Variants in PAK3 observed in about 807,000 individuals in gnomAD.
The protein encoded by PAK3 is serine/threonine-protein kinase PAK 3.
In PAK3, 4 loss-of-function variants were observed where a neutral mutation model predicts 41.0. That is an observed-to-expected ratio of 0.10 (90% CI 0.05 to 0.22). PAK3 has a LOEUF of 0.22. Among genes scored for constraint, PAK3 ranks in the 10% least tolerant of loss-of-function variants. The pLI is 1.00. For synonymous variants in PAK3, 146 were observed against 139.6 expected, an observed-to-expected ratio of 1.05 and a Z score of -0.32; for missense variants, 205 against 409.9, an observed-to-expected ratio of 0.50 and a Z score of 4.32.
intron 1 of PAK3, among the ~76,000 whole-genome samples, chrX:110,979,291 CTTTTCTTT>C (rs2091401732): frequency 5.0e-5 from 1 of 19,825 alleles, no homozygotes; most frequent in African/African-American, 8.2e-5. Context: ...TTCTCTATTA[CTTTTCTTT>C]TTTTTTTTTT....
chrX:111,138,625 T>C (rs189795421), intron 5 of PAK3, among the ~76,000 whole-genome samples: 1 of 110,938 alleles, frequency 9.0e-6, no homozygotes, highest in African/African-American at 3.3e-5. Flanking sequence ...GAAGTAAGAC[T>C]TTCCAGGCAT....
intron 1 of PAK3, among the ~76,000 whole-genome samples, chrX:110,972,050 G>A (rs2091218796): frequency 1.8e-5 from 2 of 110,865 alleles, no homozygotes; most frequent in South Asian, 3.9e-4. Context: ...ATGTAGGTAT[G>A]TATGTGTATA....
At chrX:111,110,602 A>G (rs780895287) in intron 4 of PAK3, among the ~76,000 whole-genome samples, 1 of 111,513 alleles carries the variant, frequency 9.0e-6, no homozygotes, top group South Asian at 3.9e-4. Context: ...TACCTTTCCA[A>G]ACATAGCTGA....
chrX:111,047,898 G>A (rs1465239924), intron 1 of PAK3, among the ~76,000 whole-genome samples: 1 of 111,685 alleles, frequency 9.0e-6, no homozygotes, highest in East Asian at 2.8e-4. Flanking sequence ...GTGGCAGCCT[G>A]CTGCTTTCAA....
intron 10 of PAK3, among the ~76,000 whole-genome samples, chrX:111,171,629 T>C (rs2094342397): frequency 8.9e-6 from 1 of 111,850 alleles, no homozygotes; most frequent in Non-Finnish European, 1.9e-5. Context: ...ATGTAGCTTA[T>C]AAACTTACTA....
At chrX:111,114,242 A>AT (rs1211658241) in intron 4 of PAK3, among the ~76,000 whole-genome samples, 1 of 112,145 alleles carries the variant, frequency 8.9e-6, no homozygotes, top group Non-Finnish European at 1.9e-5. Flanking sequence ...GTGGCCAGGA[A>AT]TGAAACCCAC....
chrX:111,059,628 G>GTT (rs199808181), intron 1 of PAK3, among the ~76,000 whole-genome samples: 4 of 110,290 alleles, frequency 3.6e-5, no homozygotes, highest in African/African-American at 9.9e-5. Context: ...ACGTTTTATT[G>GTT]TTTTTTTTGT....
chrX:111,033,855 C>T (rs774655262), intron 1 of PAK3, among the ~76,000 whole-genome samples: 2 of 111,379 alleles, frequency 1.8e-5, no homozygotes, highest in East Asian at 5.7e-4. Context: ...GGTGTGATGG[C>T]TTGGGTGGGC....
chrX:111,198,594 ACT>A (rs2094642036), intron 16 of PAK3, among the ~76,000 whole-genome samples: 1 of 111,773 alleles, frequency 8.9e-6, no homozygotes, highest in African/African-American at 3.3e-5. Context: ...TCCTTTCCCC[ACT>A]GTTTATTATT....
chrX:110,969,021 G>A (rs894197338), intron 1 of PAK3, among the ~76,000 whole-genome samples: 1 of 106,690 alleles, frequency 9.4e-6, no homozygotes, highest in African/African-American at 3.4e-5. Context: ...ATGAGAGCCC[G>A]GGTTTAAGTG....
chrX:111,104,122 C>T (rs917259889), intron 4 of PAK3, among the ~76,000 whole-genome samples: 2 of 111,528 alleles, frequency 1.8e-5, no homozygotes, highest in African/African-American at 6.5e-5. Flanking sequence ...CCTGTCTCTC[C>T]GATCATCTAT....
At chrX:111,194,278 A>G (rs1278223645) in intron 13 of PAK3, 23 bp from the exon 14 acceptor site, 2 of 935,896 alleles carry the variant, frequency 2.1e-6, no homozygotes, top group Non-Finnish European at 3.1e-6. Context: ...CATAAGGCAA[A>G]GTCTTTTCTT....
intron 1 of PAK3, among the ~76,000 whole-genome samples, chrX:111,023,605 C>G (rs770373891): frequency 1.8e-5 from 2 of 112,245 alleles, no homozygotes; most frequent in Non-Finnish European, 3.8e-5. Flanking sequence ...GAGATAGTAT[C>G]TCATTGTGGT....
chrX:110,950,755 A>G (rs1409486276), intron 1 of PAK3, among the ~76,000 whole-genome samples: 5 of 112,008 alleles, frequency 4.5e-5, no homozygotes, highest in Non-Finnish European at 9.4e-5. Flanking sequence ...TATTGGTGCA[A>G]TGTACCTTCT....
At chrX:111,152,624 A>C (rs1181523740) in intron 8 of PAK3, 177 bp downstream of exon 8, 2 of 401,465 alleles carry the variant, frequency 5.0e-6, no homozygotes, top group African/African-American at 5.1e-5. Context: ...GTTTTGGTAA[A>C]TGTATATACC....
At chrX:111,086,513 G>A in intron 1 of PAK3, among the ~76,000 whole-genome samples, 1 of 111,513 alleles carries the variant, frequency 9.0e-6, no homozygotes. Flanking sequence ...TTACATGGTG[G>A]TGAAAATTAA....
At chrX:110,950,167 C>G (rs1354214256) in intron 1 of PAK3, among the ~76,000 whole-genome samples, 2 of 111,681 alleles carry the variant, frequency 1.8e-5, no homozygotes, top group Non-Finnish European at 3.8e-5. Flanking sequence ...CATGCTCATT[C>G]TTGCTTATAA....
In PAK3 at chrX:111,175,169, GGAAGGGAAGGGATATTCAATCCACTTA is replaced by G. The variant is rs2094391858; in HGVS notation, c.830+2092_830+2118del. ...TGAGTCTCAGGTGGAGCTAACAATAGGAAGGGAAGGGATATTCAATCCACTTAGAAATAGCACTCCAAATCATTGTTG... is the reference window on the plus strand; with the variant it reads ...TGAGTCTCAGGTGGAGCTAACAATAGGAAATAGCACTCCAAATCATTGTTG... On this transcript the variant is annotated intron_variant, in intron 11 of 17. Coordinates refer to ENST00000372007, the MANE Select transcript of PAK3 (RefSeq NM_002578.5). Among the ~76,000 whole-genome samples the G allele has an allele frequency of 6.3e-5, 7 of 111,232 alleles. No homozygotes were observed. In the South Asian group the frequency reaches 2.7e-3, roughly 42 times the overall value.
intron 10 of PAK3, among the ~76,000 whole-genome samples, chrX:111,166,492 A>G (rs1435993875): frequency 9.1e-6 from 1 of 110,412 alleles, no homozygotes; most frequent in Non-Finnish European, 1.9e-5. Flanking sequence ...TACAGATGGG[A>G]ACTTGCTGTG....
Sources: gnomAD v4.1 joint callset for allele counts (sites outside exome capture counted in the v4.1 genomes callset) on GRCh38, gnomAD v4.1.1 for gene constraint, MANE v1.5 for transcripts, NCBI Gene and HGNC (gene_info 2026-07-23, HGNC 2026-07-21) for gene names.